The following XRCC4 variants were observed in gnomAD, a reference collection of about 807,000 sequenced individuals.
The protein encoded by XRCC4 is DNA repair protein XRCC4.
XRCC4 carries 28 observed loss-of-function variants against 39.1 expected under a neutral mutation model. That is an observed-to-expected ratio of 0.72 (90% CI 0.53 to 0.98). The LOEUF is 0.98. Among genes scored for constraint, XRCC4 ranks in the 50% least tolerant of loss-of-function variants. XRCC4 has a pLI of 0.00. For synonymous variants in XRCC4, 123 were observed against 126.4 expected, an observed-to-expected ratio of 0.97 and a Z score of 0.18; for missense variants, 350 against 376.4, an observed-to-expected ratio of 0.93 and a Z score of 0.58.
At chr5:83,349,826 C>T (rs901437291) in intron 7 of XRCC4, among the ~76,000 whole-genome samples, 4 of 152,032 alleles carry the variant, frequency 2.6e-5, no homozygotes, top group African/African-American at 9.7e-5. Context: ...GGGTGTATTG[C>T]ATGATACTGA....
chr5:83,086,211 A>G (rs1047503120), intron 1 of XRCC4, among the ~76,000 whole-genome samples: 13 of 152,338 alleles, frequency 8.5e-5, no homozygotes, highest in Non-Finnish European at 1.3e-4. Flanking sequence ...ATAGTAGCGT[A>G]CATTGTAATT....
chr5:83,233,979 T>C lies in XRCC4; in HGVS notation c.746-24551T>C, dbSNP rs77089979. Among the ~76,000 whole-genome samples, 545 of 151,880 alleles carry C rather than the reference T, an allele frequency of 3.6e-3. 12 individuals carry two copies. The East Asian group carries it at 0.072, about 20-fold the overall frequency. ...TAGACAGCACAGTTATTTACAGCAC[T>C]ATGGAGATCTAGGGTTTAGTTTTAG... On this transcript the variant is annotated intron_variant, in intron 6 of 7. Transcript: ENST00000396027.
intron 3 of XRCC4, among the ~76,000 whole-genome samples, chr5:83,127,401 C>T (rs6452510): frequency 0.46 from 70,252 of 151,578 alleles, 17,132 homozygotes; most frequent in African/African-American, 0.59. Context: ...TAGTAAGTCT[C>T]ACGAGATCTG....
At chr5:83,206,282 C>G (rs1406181197) in intron 6 of XRCC4, among the ~76,000 whole-genome samples, 1 of 152,090 alleles carries the variant, frequency 6.6e-6, no homozygotes, top group Non-Finnish European at 1.5e-5. Context: ...AAGGATGAGG[C>G]TGGCTTAGAC....
At chr5:83,263,179 A>AT (rs1753824627) in intron 7 of XRCC4, among the ~76,000 whole-genome samples, 2 of 149,630 alleles carry the variant, frequency 1.3e-5, no homozygotes, top group Non-Finnish European at 3.0e-5. Context: ...TGAACTCATC[A>AT]TTTTTTATGG....
chr5:83,119,707 C>T (rs1049094943), intron 3 of XRCC4, among the ~76,000 whole-genome samples: 1 of 152,146 alleles, frequency 6.6e-6, no homozygotes, highest in Non-Finnish European at 1.5e-5. Context: ...CATAGTGGCT[C>T]ATGCCTGTAA....
intron 3 of XRCC4, among the ~76,000 whole-genome samples, chr5:83,160,109 A>C (rs1168397727): frequency 6.6e-6 from 1 of 152,202 alleles, no homozygotes; most frequent in African/African-American, 2.4e-5. Context: ...AATAGCCCTG[A>C]ATCTTATCTT....
At chr5:83,107,017 G>T (rs969438920) in intron 2 of XRCC4, among the ~76,000 whole-genome samples, 2 of 151,936 alleles carry the variant, frequency 1.3e-5, no homozygotes, top group African/African-American at 4.8e-5. Flanking sequence ...AATTTAATGT[G>T]ACAAAAATGT....
chr5:83,289,950 G>C (rs1280887329), intron 7 of XRCC4, among the ~76,000 whole-genome samples: 1 of 151,768 alleles, frequency 6.6e-6, no homozygotes, highest in Non-Finnish European at 1.5e-5. Flanking sequence ...CTGTAGGAAA[G>C]GATGGAGACT....
At chr5:83,212,665 C>T (rs944662885) in intron 6 of XRCC4, among the ~76,000 whole-genome samples, 3 of 151,830 alleles carry the variant, frequency 2.0e-5, no homozygotes, top group Non-Finnish European at 4.4e-5. Flanking sequence ...TGGTGGCTCA[C>T]ACCTGTAATC....
chr5:83,222,064 T>C (rs963907178), intron 6 of XRCC4, among the ~76,000 whole-genome samples: 17 of 152,112 alleles, frequency 1.1e-4, no homozygotes, highest in African/African-American at 3.8e-4. Flanking sequence ...CAATCTTTTA[T>C]ATATCTGAGA....
rs3777027 is a variant in XRCC4, at chr5:83,304,703, T to C, written c.893+46026T>C. Reference sequence around the variant, plus strand: ...TACCTTTGCTTTGCTTCTGTAAAATTTATCTATAAATTTTCCATGTTATTG... The same window carrying C: ...TACCTTTGCTTTGCTTCTGTAAAATCTATCTATAAATTTTCCATGTTATTG... On this transcript the variant is annotated intron_variant, in intron 7 of 7. Coordinates refer to ENST00000396027, the MANE Select transcript of XRCC4 (RefSeq NM_003401.5). 4.8e-5 allele frequency among the ~76,000 whole-genome samples: 7 copies of C among 145,354 alleles called. No homozygotes were observed. The East Asian group carries it at 1.2e-3, about 24-fold the overall frequency.
chr5:83,322,188 T>G (rs28360314), intron 7 of XRCC4, among the ~76,000 whole-genome samples: 2,560 of 152,004 alleles, frequency 0.017, 45 homozygotes, highest in Admixed American at 0.055. Context: ...CGGAATATTG[T>G]TAGACATTTA....
chr5:83,318,198 C>A (rs1248797162), intron 7 of XRCC4, among the ~76,000 whole-genome samples: 1 of 142,220 alleles, frequency 7.0e-6, no homozygotes, highest in African/African-American at 3.0e-5. Flanking sequence ...GTTGATGGGA[C>A]GTATTTCAAA....
intron 6 of XRCC4, among the ~76,000 whole-genome samples, chr5:83,229,995 T>C (rs1003555563): frequency 1.3e-5 from 2 of 152,038 alleles, no homozygotes; most frequent in African/African-American, 2.4e-5. Context: ...CAATAAACAG[T>C]GTCTACTGAA....
chr5:83,262,881 T>C (rs1357057638), intron 7 of XRCC4, among the ~76,000 whole-genome samples: 1 of 144,008 alleles, frequency 6.9e-6, no homozygotes, highest in Non-Finnish European at 1.5e-5. Flanking sequence ...TCTGGGTACA[T>C]GTGCACATTG....
intron 3 of XRCC4, among the ~76,000 whole-genome samples, chr5:83,119,066 T>C (rs1746874226): frequency 6.6e-6 from 1 of 152,170 alleles, no homozygotes; most frequent in East Asian, 1.9e-4. Context: ...TTCTCAAATA[T>C]ATGAAAATGA....
At chr5:83,108,402 CG>C (rs1339106536) in intron 2 of XRCC4, among the ~76,000 whole-genome samples, 3 of 151,674 alleles carry the variant, frequency 2.0e-5, no homozygotes, top group Admixed American at 1.3e-4. Flanking sequence ...TCCTTTCATA[CG>C]TTTTTTTCTC....
intron 6 of XRCC4, among the ~76,000 whole-genome samples, chr5:83,219,429 G>T (rs1751997060): frequency 6.6e-6 from 1 of 152,126 alleles, no homozygotes; most frequent in Non-Finnish European, 1.5e-5. Context: ...TTCCAAAAAT[G>T]ATTCCAAACC....
Sources: allele counts gnomAD v4.1 joint callset (sites outside exome capture counted in the v4.1 genomes callset), GRCh38; gene constraint gnomAD v4.1.1; transcripts MANE v1.5; gene names NCBI Gene and HGNC (gene_info 2026-07-23, HGNC 2026-07-21).